The following RBPJ variants were observed in gnomAD, a reference collection of about 807,000 sequenced individuals.
RBPJ encodes recombination signal binding protein for immunoglobulin kappa J region.
Under a neutral mutation model 67.8 loss-of-function variants are expected in RBPJ, and 9 were observed. The ratio of observed to expected loss-of-function variants is 0.13; its 90% CI spans 0.08 to 0.23. RBPJ has a LOEUF of 0.23. Among genes scored for constraint, RBPJ ranks in the 10% least tolerant of loss-of-function variants. The pLI, the probability that RBPJ is intolerant of heterozygous loss-of-function variation, is 1.00. For missense variants in RBPJ, 305 were observed against 595.6 expected (o/e 0.51, Z 5.08); for synonymous variants, 198 against 203.3 (o/e 0.97, Z 0.22).
At chr4:26,112,585 T>C in the RBPJ span, 3 of 139,002 alleles carry the variant, frequency 2.2e-5, no homozygotes, top group Non-Finnish European at 4.6e-5. Context: ...AGAGTTAATC[T>C]TGGATAGCAG....
intron 1 of RBPJ, among the ~76,000 whole-genome samples, chr4:26,261,927 T>G (rs1720552879): frequency 6.6e-6 from 1 of 152,226 alleles, no homozygotes. Flanking sequence ...ATTTTAAGTT[T>G]TATTTTTTAT....
rs369884237 is a variant in RBPJ, at chr4:26,430,560, G to A, written c.1148+38G>A. 2.6e-6 allele frequency: 4 copies of A among 1,548,060 alleles called. No homozygotes were observed. The highest frequency in any genetic ancestry group is 2.7e-5 in the African/African-American group (2 of 72,962). On this transcript the variant is annotated intron_variant, in intron 10 of 10. Transcript: ENST00000355476. The surrounding 1 kb of genome is among the most constrained non-coding windows in gnomAD (Gnocchi z 4.1). ...ACTTTTTGCATCATCCAGAGGTTGTGAGGGGTGTGGGTACAGGAGATTCTT... is the reference window on the plus strand; with the variant it reads ...ACTTTTTGCATCATCCAGAGGTTGTAAGGGGTGTGGGTACAGGAGATTCTT...
chr4:26,406,286 T>C lies in RBPJ; in HGVS notation c.155+16T>C. ...ATGAAAAAAGGTAAGATTATTTTTC[T>C]GGTGGATAGTTAATTGTAGTTACCA... On this transcript the variant is annotated intron_variant, in intron 3 of 10. Transcript: ENST00000355476. 1 of 1,501,908 alleles carries C rather than the reference T, an allele frequency of 6.7e-7. No individual in the cohort carries two copies. Among genetic ancestry groups the C allele is most frequent in the Non-Finnish European group, 9.3e-7 (1 of 1,079,884 alleles). The allele number at this position is 1,501,908 out of a possible 1,614,324, so 93.0% of individuals were successfully genotyped here. A position where few individuals can be genotyped will look rare whatever the true frequency, so the allele number is the denominator to read the frequency against.
At chr4:26,272,410 AT>A (rs869140725) in intron 1 of RBPJ, among the ~76,000 whole-genome samples, 4 of 151,640 alleles carry the variant, frequency 2.6e-5, no homozygotes, top group South Asian at 2.1e-4. Context: ...TACAAAAAAA[AT>A]TTTTTTTTAA....
intron 1 of RBPJ, among the ~76,000 whole-genome samples, chr4:26,268,519 G>C (rs1720779500): frequency 6.6e-6 from 1 of 152,132 alleles, no homozygotes; most frequent in African/African-American, 2.4e-5. Flanking sequence ...GGAGTACAGT[G>C]AAATGAAATG....
intron 1 of RBPJ, among the ~76,000 whole-genome samples, chr4:26,324,132 C>A (rs1371809871): frequency 6.6e-6 from 1 of 152,030 alleles, no homozygotes; most frequent in African/African-American, 2.4e-5. Flanking sequence ...CCTTAAGATT[C>A]GCAGAGAGCA....
At chr4:26,372,121 A>G (rs145445742) in intron 1 of RBPJ, among the ~76,000 whole-genome samples, 4 of 152,362 alleles carry the variant, frequency 2.6e-5, no homozygotes, top group African/African-American at 7.2e-5. Context: ...TTACTTTGCT[A>G]TATGAAGCCA....
In RBPJ at chr4:26,424,620, A is replaced by G. The variant is rs764083915; in HGVS notation, c.635-11A>G. The G allele has an allele frequency of 6.3e-6, 10 of 1,586,330 alleles. No homozygotes were observed. The African/African-American group carries it at 1.3e-4, about 21-fold the overall frequency. On this transcript the variant is annotated splice_polypyrimidine_tract_variant and intron_variant, in intron 6 of 10. Coordinates refer to ENST00000355476, the MANE Select transcript of RBPJ (RefSeq NM_015874.6). The surrounding 1 kb of genome is among the most constrained non-coding windows in gnomAD (Gnocchi z 5.3). ...AGATGACAATTTGATTTATTTTTCC[A>G]CCTACTGCAGTGGATGATGATGAAT...
chr4:26,424,758 T>C lies in RBPJ; in HGVS notation c.747+15T>C, dbSNP rs1735472250. The C allele has an allele frequency of 6.9e-7, 1 of 1,458,414 alleles. No homozygotes were observed. The highest frequency in any genetic ancestry group is 9.5e-7 in the Non-Finnish European group (1 of 1,049,866). The allele number at this position is 1,458,414 out of a possible 1,614,324, so 90.3% of individuals were successfully genotyped here. The stretch of plus-strand genomic sequence containing the variant: ...TCCCAAGATTGGTATGGCTCTACTT[T>C]TGCTTTAGTGATAATGTGAAGTAAA... On this transcript the variant is annotated intron_variant, in intron 7 of 10. Coordinates refer to ENST00000355476, the MANE Select transcript of RBPJ (RefSeq NM_015874.6). This position sits in a 1 kb window ranked among gnomAD's most constrained non-coding sequence, Gnocchi z 5.3.
intron 1 of RBPJ, among the ~76,000 whole-genome samples, chr4:26,297,513 T>C (rs1192732193): frequency 6.6e-6 from 1 of 152,080 alleles, no homozygotes; most frequent in Non-Finnish European, 1.5e-5. Flanking sequence ...CGTGTTATTG[T>C]GTTTCTGTGT....
At chr4:26,275,665 A>G (rs1336599403) in intron 1 of RBPJ, among the ~76,000 whole-genome samples, 2 of 152,010 alleles carry the variant, frequency 1.3e-5, no homozygotes, top group Non-Finnish European at 2.9e-5. Context: ...GGAGTCTCGT[A>G]CTGTTGCCAG....
chr4:26,279,357 T>C (rs1450432732), intron 1 of RBPJ, among the ~76,000 whole-genome samples: 1 of 152,202 alleles, frequency 6.6e-6, no homozygotes, highest in African/African-American at 2.4e-5. Context: ...CTCAGCTCAC[T>C]GCAACCTCCG....
chr4:26,159,700 C>T (rs908784683), upstream of RBPJ, among the ~76,000 whole-genome samples: 1 of 152,110 alleles, frequency 6.6e-6, no homozygotes, highest in Admixed American at 6.5e-5. Flanking sequence ...TAGGACATAC[C>T]TTGGGCCACT....
intron 1 of RBPJ, among the ~76,000 whole-genome samples, chr4:26,331,479 T>A (rs763574029): frequency 2.0e-5 from 3 of 152,120 alleles, no homozygotes; most frequent in Non-Finnish European, 4.4e-5. Flanking sequence ...CTTTTTCTCA[T>A]ATGTGCAGAC....
chr4:26,210,662 T>TC (rs1239581504), intron 1 of RBPJ, among the ~76,000 whole-genome samples: 26 of 30,052 alleles, frequency 8.7e-4, no homozygotes, highest in Non-Finnish European at 1.8e-3. Flanking sequence ...TTTCTTTCTT[T>TC]TTTCTTTCTT....
chr4:26,313,687 T>A (rs1224570828), intron 1 of RBPJ, among the ~76,000 whole-genome samples: 1 of 150,078 alleles, frequency 6.7e-6, no homozygotes, highest in Middle Eastern at 3.4e-3. Flanking sequence ...AAAAAAAAAA[T>A]TAGCAGGGCA....
At chr4:26,203,396 C>T (rs1718058774) in intron 1 of RBPJ, among the ~76,000 whole-genome samples, 1 of 152,196 alleles carries the variant, frequency 6.6e-6, no homozygotes, top group Non-Finnish European at 1.5e-5. Flanking sequence ...AGGCCCTTCC[C>T]TGACCACCCC....
the RBPJ span, among the ~76,000 whole-genome samples, chr4:26,123,947 A>G: frequency 6.6e-6 from 1 of 152,180 alleles, no homozygotes; most frequent in Non-Finnish European, 1.5e-5. Flanking sequence ...AATAAGTAGA[A>G]GGAATACATT....
intron 1 of RBPJ, among the ~76,000 whole-genome samples, chr4:26,329,564 A>G (rs1724009109): frequency 1.3e-5 from 2 of 152,078 alleles, no homozygotes; most frequent in African/African-American, 4.8e-5. Flanking sequence ...ATAATACCTC[A>G]TGGTATTGAT....
Sources: allele counts gnomAD v4.1 joint callset (sites outside exome capture counted in the v4.1 genomes callset), GRCh38; gene constraint gnomAD v4.1.1; non-coding constraint Gnocchi (gnomAD v3.1); transcripts MANE v1.5; gene names NCBI Gene and HGNC (gene_info 2026-07-23, HGNC 2026-07-21).